The following SCRN1 variants were observed in gnomAD, a reference collection of about 807,000 sequenced individuals.
SCRN1 encodes the protein secernin 1, also known as secernin-1.
SCRN1 carries 19 observed loss-of-function variants against 43.3 expected under a neutral mutation model. The ratio of observed to expected loss-of-function variants is 0.44; its 90% CI spans 0.31 to 0.64. The LOEUF (loss-of-function observed/expected upper bound fraction) is 0.64. Among genes scored for constraint, SCRN1 ranks in the 30% least tolerant of loss-of-function variants. The pLI, the probability that SCRN1 is intolerant of heterozygous loss-of-function variation, is 0.09. For missense variants in SCRN1, 447 were observed against 524.1 expected (o/e 0.85, Z 1.44); for synonymous variants, 183 against 188.9 (o/e 0.97, Z 0.26).
At chr7:29,986,872 G>T (rs1479879400) in intron 1 of SCRN1, among the ~76,000 whole-genome samples, 1 of 151,702 alleles carries the variant, frequency 6.6e-6, no homozygotes, top group Non-Finnish European at 1.5e-5. Context: ...CTACAGGCGC[G>T]TGCCACCATG....
intron 2 of SCRN1, among the ~76,000 whole-genome samples, chr7:29,962,689 C>CATAAAATAAA (rs201543011): frequency 4.6e-4 from 70 of 151,244 alleles, no homozygotes; most frequent in African/African-American, 1.1e-3. Flanking sequence ...CTGTCTCAAA[C>CATAAAATAAA]ATAAAATAAA....
chr7:29,990,043 T>A, upstream of SCRN1: 2 of 1,485,688 alleles, frequency 1.3e-6, no homozygotes, highest in Non-Finnish European at 1.8e-6. Context: ...ATTTCTTGGT[T>A]GTGGCTCTCA....
At chr7:29,969,760 T>C (rs1016956460) in intron 1 of SCRN1, 2 of 453,924 alleles carry the variant, frequency 4.4e-6, no homozygotes, top group Non-Finnish European at 8.9e-6. Flanking sequence ...CCTTGTCAGT[T>C]ACATGCTGAT....
intron 3 of SCRN1, 52 bp downstream of exon 3, chr7:29,955,127 C>T: frequency 2.6e-6 from 4 of 1,514,412 alleles, no homozygotes; most frequent in South Asian, 1.2e-5. Context: ...AAATCCTGTC[C>T]CCATTTCCAA....
chr7:29,963,852 A>G (rs1788406500), intron 2 of SCRN1, among the ~76,000 whole-genome samples: 1 of 152,250 alleles, frequency 6.6e-6, no homozygotes, highest in Admixed American at 6.5e-5. Flanking sequence ...AAATCTTTAG[A>G]AAATGTTAAG....
Position 29,922,073 on chromosome 7 carries a change from T to C in SCRN1, c.*1884A>G, listed in dbSNP as rs555575611. On this transcript the variant is annotated 3_prime_UTR_variant, in exon 8 of 8. Transcript: ENST00000242059. Reference sequence around the variant, plus strand: ...CCTTAACAGTGATAGAAAGACACTTTTAGAATAGCCGCCCCACCTAAAAGG... The same window carrying C: ...CCTTAACAGTGATAGAAAGACACTTCTAGAATAGCCGCCCCACCTAAAAGG... 1 of 152,214 alleles carries C rather than the reference T, an allele frequency of 6.6e-6. No homozygotes were observed. Among genetic ancestry groups the C allele is most frequent in the South Asian group, 2.1e-4 (1 of 4,812 alleles). 9.4% of individuals were successfully genotyped at this position (152,214 alleles called of 1,614,324 possible).
rs568574274 is a variant in SCRN1, at chr7:29,975,372, G to A, written c.-1-6304C>T. Among the ~76,000 whole-genome samples the A allele has an allele frequency of 9.9e-5, 15 of 152,264 alleles. No homozygotes were observed. In the South Asian group the frequency reaches 1.0e-3, roughly 11 times the overall value. On this transcript the variant is annotated intron_variant, in intron 1 of 7. Transcript: ENST00000242059. ...TAATTCTGAAGCTGCTTTCTGAGCC[G>A]TGGGGACCCAGAAATGGCGGTGGGG...
intron 2 of SCRN1, among the ~76,000 whole-genome samples, chr7:29,960,570 A>G (rs549598545): frequency 1.8e-4 from 28 of 152,348 alleles, no homozygotes; most frequent in Admixed American, 3.9e-4. Flanking sequence ...GACACCAAGT[A>G]TAAGTAATGT....
chr7:29,958,008 T>C (rs142404850), intron 2 of SCRN1, among the ~76,000 whole-genome samples: 156 of 152,300 alleles, frequency 1.0e-3, no homozygotes, highest in African/African-American at 3.6e-3. Context: ...GCCAACTTGA[T>C]GTTTTTCAGG....
chr7:29,984,037 C>T (rs1187531822), intron 1 of SCRN1, among the ~76,000 whole-genome samples: 1 of 152,006 alleles, frequency 6.6e-6, no homozygotes, highest in Non-Finnish European at 1.5e-5. Flanking sequence ...ATTACCTTAT[C>T]TCTACTAAAA....
rs770760273 is a variant in SCRN1 at position 29,924,015 on chromosome 7, G to A, written c.1187C>T (p.Ala396Val). 9.3e-6 allele frequency: 15 copies of A among 1,613,972 alleles called. No individual in the cohort carries two copies. The African/African-American group carries it at 1.2e-4, about 13-fold the overall frequency. The change falls in exon 8 of 8, where the codon GCG becomes GTG. Residue 396 changes from alanine (A) to valine (V), a missense_variant. By Grantham distance (64) the Ala-to-Val change is moderately conservative. Coordinates refer to ENST00000242059, the MANE Select transcript of SCRN1 (RefSeq NM_014766.5). ...ILTSSEPLDPAEVGDLFYDCV... is the reference protein window; with the variant it reads ...ILTSSEPLDPVEVGDLFYDCV... ...GTCATAGAAAAGGTCCCCCACTTCC[G>A]CAGGGTCCAGTGGCTCGGAGCTGGT...
intron 6 of SCRN1, among the ~76,000 whole-genome samples, chr7:29,928,438 C>T (rs1787043517): frequency 6.6e-6 from 1 of 152,206 alleles, no homozygotes; most frequent in South Asian, 2.1e-4. Context: ...AGACACTGAT[C>T]ACAATATGCA....
chr7:29,966,194 A>AGATT (rs1788490220), intron 2 of SCRN1, among the ~76,000 whole-genome samples: 1 of 150,702 alleles, frequency 6.6e-6, no homozygotes, highest in Non-Finnish European at 1.5e-5. Flanking sequence ...AGAGAGAGAG[A>AGATT]GAGAGAGAGA....
intron 3 of SCRN1, among the ~76,000 whole-genome samples, chr7:29,948,910 G>T (rs1046177627): frequency 6.6e-6 from 1 of 152,150 alleles, no homozygotes; most frequent in Non-Finnish European, 1.5e-5. Flanking sequence ...CACCAGGCTG[G>T]TTATTAAACA....
At chr7:29,975,311 T>C (rs1318108469) in intron 1 of SCRN1, among the ~76,000 whole-genome samples, 1 of 152,228 alleles carries the variant, frequency 6.6e-6, no homozygotes, top group East Asian at 1.9e-4. Context: ...AAAGCTATAA[T>C]TGATGGCTTT....
intron 3 of SCRN1, among the ~76,000 whole-genome samples, chr7:29,946,404 A>G (rs181152891): frequency 1.7e-3 from 256 of 152,344 alleles, no homozygotes; most frequent in African/African-American, 5.9e-3. Context: ...CCTGGTCACA[A>G]TGCCTCATAC....
At chr7:29,955,027 C>A in intron 3 of SCRN1, 152 bp downstream of exon 3, 1 of 655,850 alleles carries the variant, frequency 1.5e-6, no homozygotes, top group South Asian at 2.1e-5. Flanking sequence ...GTAATCCACT[C>A]ATTTATCTCA....
At chr7:29,970,283 T>A (rs1185089598) in intron 1 of SCRN1, among the ~76,000 whole-genome samples, 1 of 152,166 alleles carries the variant, frequency 6.6e-6, no homozygotes, top group African/African-American at 2.4e-5. Context: ...ACTCTCACAA[T>A]GCCGGCACAC....
At chr7:29,953,327 C>G (rs538084013) in intron 3 of SCRN1, among the ~76,000 whole-genome samples, 1 of 152,282 alleles carries the variant, frequency 6.6e-6, no homozygotes, top group African/African-American at 2.4e-5. Flanking sequence ...CCCACAGAGT[C>G]TAGAACAAAG....
Sources: gnomAD v4.1 joint callset for allele counts (sites outside exome capture counted in the v4.1 genomes callset) on GRCh38, gnomAD v4.1.1 for gene constraint, MANE v1.5 for transcripts, NCBI Gene and HGNC (gene_info 2026-07-23, HGNC 2026-07-21) for gene names.